Variants in RAP1GAP2 observed in about 807,000 individuals in gnomAD.
RAP1GAP2 encodes rap1 GTPase-activating protein 2.
In RAP1GAP2, 27 loss-of-function variants were observed where a neutral mutation model predicts 95.0. The ratio of observed to expected loss-of-function variants is 0.28; its 90% confidence interval spans 0.21 to 0.39. The LOEUF (loss-of-function observed/expected upper bound fraction) is 0.39. Ranked by LOEUF, RAP1GAP2 falls within the 10% of genes least tolerant of loss-of-function variation. The pLI, the probability that RAP1GAP2 is intolerant of heterozygous loss-of-function variation, is 1.00. For synonymous variants in RAP1GAP2, 373 were observed against 380.9 expected (o/e 0.98, Z 0.24); for missense variants, 771 against 970.0 (o/e 0.79, Z 2.72).
At position 3,005,524 on chromosome 17, in the gene RAP1GAP2, AT is replaced by A; in HGVS notation, c.1272+86del. ...GTAGCAATGGTTGGGATGGAGCCAA[AT>A]TCAGGCTGGGAACATTAGGGAGCTC... On this transcript the variant is annotated intron_variant, in intron 15 of 24. Coordinates refer to ENST00000254695, the MANE Select transcript of RAP1GAP2 (RefSeq NM_015085.5). This position sits in a 1 kb window ranked among gnomAD's most constrained non-coding sequence, Gnocchi z 5.2. 3 of 1,453,206 alleles carry A rather than the reference AT, an allele frequency of 2.1e-6. No individual in the cohort carries two copies. Among genetic ancestry groups the A allele is most frequent in the Non-Finnish European group, 2.9e-6 (3 of 1,033,714 alleles). The allele number at this position is 1,453,206 out of a possible 1,614,324, so 90.0% of individuals were successfully genotyped here.
chr17:2,918,316 C>T (rs1466200785), intron 3 of RAP1GAP2, among the ~76,000 whole-genome samples: 1 of 151,254 alleles, frequency 6.6e-6, no homozygotes, highest in African/African-American at 2.4e-5. Flanking sequence ...GCCTATAATC[C>T]CAGCTATTTG....
chr17:2,849,034 G>A (rs1268654713), intron 2 of RAP1GAP2, among the ~76,000 whole-genome samples: 1 of 152,144 alleles, frequency 6.6e-6, no homozygotes, highest in Non-Finnish European at 1.5e-5. Context: ...AGCTGTGTGC[G>A]AGCGGGCTTC....
intron 2 of RAP1GAP2, among the ~76,000 whole-genome samples, chr17:2,819,781 C>T (rs1321214374): frequency 2.0e-5 from 3 of 149,542 alleles, no homozygotes; most frequent in Non-Finnish European, 4.4e-5. Context: ...GATCTAGTTT[C>T]TTCTCTCTTT....
intron 2 of RAP1GAP2, among the ~76,000 whole-genome samples, chr17:2,834,135 G>A (rs1380968004): frequency 6.6e-6 from 1 of 152,142 alleles, no homozygotes; most frequent in Non-Finnish European, 1.5e-5. Context: ...GGGCTTTACT[G>A]ACCAGAGAGG....
rs114584263 is a variant in RAP1GAP2 at position 2,866,255 on chromosome 17, C to G, written c.81-39029C>G. The stretch of plus-strand genomic sequence containing the variant: ...AAACAGGGGCCCGCTCAGATCCCAC[C>G]TTGGCTGTGGTGTGGATTCCCTGCT... On this transcript the variant is annotated intron_variant, in intron 2 of 24. Transcript: ENST00000254695. The surrounding 1 kb of genome is among the most constrained non-coding windows in gnomAD (Gnocchi z 4.0). Among the ~76,000 whole-genome samples, 247 of 152,356 alleles carry G rather than the reference C, an allele frequency of 1.6e-3. No individual in the cohort carries two copies. The highest frequency in any genetic ancestry group is 5.4e-3 in the African/African-American group (226 of 41,586).
chr17:2,970,130 C>G (rs568153888), intron 8 of RAP1GAP2, among the ~76,000 whole-genome samples: 1 of 151,618 alleles, frequency 6.6e-6, no homozygotes, highest in Non-Finnish European at 1.5e-5. Flanking sequence ...AAAAATTAGC[C>G]GGGCGTGGTG....
At chr17:2,868,516 A>ATTTTTTTT (rs71153307) in intron 2 of RAP1GAP2, among the ~76,000 whole-genome samples, 1 of 122,832 alleles carries the variant, frequency 8.1e-6, no homozygotes, top group African/African-American at 3.0e-5. Context: ...ACCAGGTGCA[A>ATTTTTTTT]TTTTTTTTTT....
chr17:2,817,802 T>A (rs2151512322), intron 2 of RAP1GAP2, among the ~76,000 whole-genome samples: 1 of 121,706 alleles, frequency 8.2e-6, no homozygotes, highest in Non-Finnish European at 2.0e-5. Flanking sequence ...ATTACAGGCA[T>A]GAGCCACTGC....
chr17:2,843,720 G>A (rs556795991), intron 2 of RAP1GAP2, among the ~76,000 whole-genome samples: 3 of 152,252 alleles, frequency 2.0e-5, no homozygotes, highest in South Asian at 2.1e-4. Context: ...CAAGAGCTTC[G>A]CCTTCCCAGA....
At chr17:2,973,047 A>G (rs1306358163) in intron 8 of RAP1GAP2, among the ~76,000 whole-genome samples, 1 of 152,164 alleles carries the variant, frequency 6.6e-6, no homozygotes, top group Non-Finnish European at 1.5e-5. Flanking sequence ...GTGAGGGAGA[A>G]CTGAAGGCAA....
chr17:2,917,516 C>T (rs1171937511), intron 3 of RAP1GAP2, among the ~76,000 whole-genome samples: 6 of 151,546 alleles, frequency 4.0e-5, no homozygotes, highest in South Asian at 2.1e-4. Context: ...GTGATCCACC[C>T]GCCTTGGGCT....
intron 17 of RAP1GAP2, among the ~76,000 whole-genome samples, chr17:3,014,744 A>G (rs2046698554): frequency 6.6e-6 from 1 of 152,054 alleles, no homozygotes; most frequent in East Asian, 1.9e-4. Flanking sequence ...AAAATTAGAG[A>G]TGGGGTTTCA....
chr17:2,834,909 AAATT>A (rs1406275934), intron 2 of RAP1GAP2, among the ~76,000 whole-genome samples: 2 of 152,060 alleles, frequency 1.3e-5, no homozygotes, highest in African/African-American at 2.4e-5. Context: ...AAAATAAATT[AAATT>A]AATTAATTAT....
At chr17:2,938,246 A>AT (rs2043364960) in intron 3 of RAP1GAP2, among the ~76,000 whole-genome samples, 1 of 152,116 alleles carries the variant, frequency 6.6e-6, no homozygotes. Context: ...TGACCAACCC[A>AT]TGCAGCTTGT....
Position 2,963,817 on chromosome 17 carries a change from C to T in RAP1GAP2, c.280-39C>T, listed in dbSNP as rs529519009. ...CGCCACCGGCCCCCTCCCTCCCCTG[C>T]GGTCCCAGGGGAGCGCACGACCCTC... On this transcript the variant is annotated intron_variant, in intron 6 of 24. Transcript: ENST00000254695. The surrounding 1 kb of genome is among the most constrained non-coding windows in gnomAD (Gnocchi z 4.8). The T allele has an allele frequency of 3.6e-5, 53 of 1,473,716 alleles. No homozygotes were observed. Among genetic ancestry groups the T allele is most frequent in the East Asian group, 7.3e-5 (3 of 40,884 alleles). 91.3% of individuals were successfully genotyped at this position (1,473,716 alleles called of 1,614,324 possible).
chr17:2,862,337 A>C (rs145934563), intron 2 of RAP1GAP2, among the ~76,000 whole-genome samples: 204 of 152,226 alleles, frequency 1.3e-3, no homozygotes, highest in Middle Eastern at 3.4e-3. Flanking sequence ...TATTTTTCTA[A>C]ATGCAGTTTT....
chr17:2,989,182 GTGT>G (rs911804725), intron 11 of RAP1GAP2, among the ~76,000 whole-genome samples: 1 of 152,136 alleles, frequency 6.6e-6, no homozygotes, highest in Non-Finnish European at 1.5e-5. Context: ...CCAGCATTTG[GTGT>G]TGTGACTGTT....
At chr17:2,876,966 G>A (rs113437782) in intron 2 of RAP1GAP2, among the ~76,000 whole-genome samples, 2,053 of 145,262 alleles carry the variant, frequency 0.014, 51 homozygotes, top group African/African-American at 0.049. Flanking sequence ...TTGGCTCACC[G>A]CAACCTCCAC....
intron 3 of RAP1GAP2, among the ~76,000 whole-genome samples, chr17:2,921,632 T>TGTCAGCAGGGCC: frequency 6.7e-6 from 1 of 149,384 alleles, no homozygotes; most frequent in East Asian, 2.0e-4. Context: ...GTCGTTAAGG[T>TGTCAGCAGGGCC]GTCAGCAGGG....
Sources: allele counts gnomAD v4.1 joint callset (sites outside exome capture counted in the v4.1 genomes callset), GRCh38; gene constraint gnomAD v4.1.1; non-coding constraint Gnocchi (gnomAD v3.1); transcripts MANE v1.5; gene names NCBI Gene and HGNC (gene_info 2026-07-23, HGNC 2026-07-21).